Variants in CRTC1 observed in about 807,000 individuals in gnomAD.
The protein encoded by CRTC1 is CREB regulated transcription coactivator 1, also known as CREB-regulated transcription coactivator 1.
In CRTC1, 18 loss-of-function variants were observed where a neutral mutation model predicts 66.1. The observed-to-expected ratio is 0.27, with a 90% CI of 0.19 to 0.40. The LOEUF (loss-of-function observed/expected upper bound fraction) is 0.40. CRTC1 is among the 10% of genes least tolerant of loss of function. The pLI is 1.00. For synonymous variants in CRTC1, 416 were observed against 398.8 expected, an observed-to-expected ratio of 1.04 and a Z score of -0.51; for missense variants, 669 against 887.9, an observed-to-expected ratio of 0.75 and a Z score of 3.13.
intron 1 of CRTC1, among the ~76,000 whole-genome samples, chr19:18,694,893 C>CT (rs371198258): frequency 8.2e-4 from 119 of 144,386 alleles, no homozygotes; most frequent in Admixed American, 1.5e-3. Flanking sequence ...TCAGCGACCT[C>CT]TTTTTTTTTT....
rs141912638 is a variant in CRTC1 at position 18,759,422 on chromosome 19, A to T, written c.625-129A>T. On this transcript the variant is annotated intron_variant, in intron 6 of 13. Coordinates refer to ENST00000321949, the MANE Select transcript of CRTC1 (RefSeq NM_015321.3). Reference sequence around the variant, plus strand: ...ATCTGTGGGGCTCTGCGGCCCCAGCAAGCTTGGTTCTCATGATGCATCTCT... The same window carrying T: ...ATCTGTGGGGCTCTGCGGCCCCAGCTAGCTTGGTTCTCATGATGCATCTCT... 690 of 958,562 alleles carry T rather than the reference A, an allele frequency of 7.2e-4. 1 individual carries two copies. In the African/African-American group the frequency reaches 0.01, roughly 14 times the overall value. The allele number at this position is 958,562 out of a possible 1,614,324, so 59.4% of individuals were successfully genotyped here.
At chr19:18,698,086 A>G (rs559729230) in intron 1 of CRTC1, among the ~76,000 whole-genome samples, 9 of 151,976 alleles carry the variant, frequency 5.9e-5, no homozygotes, top group Middle Eastern at 3.4e-3. Flanking sequence ...GGTGCTCGGC[A>G]GGCACACGGT....
intron 1 of CRTC1, among the ~76,000 whole-genome samples, chr19:18,719,593 G>A (rs76028214): frequency 6.6e-6 from 1 of 152,254 alleles, no homozygotes; most frequent in African/African-American, 2.4e-5. Context: ...AGCCGTCCTG[G>A]GGGGAGGCAG....
chr19:18,707,891 G>A (rs1027161044), intron 1 of CRTC1, among the ~76,000 whole-genome samples: 2 of 152,224 alleles, frequency 1.3e-5, no homozygotes, highest in Non-Finnish European at 2.9e-5. Context: ...GTGACCCTGG[G>A]CAAGCCCATA....
At chr19:18,730,619 C>T (rs767319121) in intron 1 of CRTC1, among the ~76,000 whole-genome samples, 24 of 152,138 alleles carry the variant, frequency 1.6e-4, no homozygotes, top group Non-Finnish European at 2.4e-4. Flanking sequence ...TCCCTGTGTC[C>T]AGCCTCCACT....
chr19:18,714,644 C>T (rs62137137), intron 1 of CRTC1, among the ~76,000 whole-genome samples: 23 of 152,354 alleles, frequency 1.5e-4, no homozygotes, highest in African/African-American at 4.6e-4. Context: ...GGCAGCTTCC[C>T]GTCCACTGGT....
chr19:18,726,561 C>T (rs917183503), intron 1 of CRTC1, among the ~76,000 whole-genome samples: 2 of 152,206 alleles, frequency 1.3e-5, no homozygotes, highest in Admixed American at 6.5e-5. Context: ...AGGGATTTTA[C>T]AGATGGACTT....
At position 18,708,959 on chromosome 19, in the gene CRTC1, C is replaced by T. The variant is rs772023735; in HGVS notation, c.126+25131C>T. ...TGCCGCTCCCTGCTGTCCTGTCCTC[C>T]GTGGGGTGCTGTCTCTAGGCCCGGG... On this transcript the variant is annotated intron_variant, in intron 1 of 13. Coordinates refer to ENST00000321949, the MANE Select transcript of CRTC1 (RefSeq NM_015321.3). 7.9e-5 allele frequency among the ~76,000 whole-genome samples: 12 copies of T among 152,318 alleles called. No homozygotes were observed. The East Asian group carries it at 2.1e-3, about 27-fold the overall frequency.
chr19:18,695,018 G>A (rs945135138), intron 1 of CRTC1, among the ~76,000 whole-genome samples: 1 of 151,114 alleles, frequency 6.6e-6, no homozygotes, highest in Non-Finnish European at 1.5e-5. Flanking sequence ...CTATAGGCAC[G>A]CGCCACCATG....
chr19:18,781,485 A>C lies in CRTC1; in HGVS notation c.*4103A>C, dbSNP rs2055102414. On this transcript the variant is annotated 3_prime_UTR_variant, in exon 14 of 14. Coordinates refer to ENST00000321949, the MANE Select transcript of CRTC1 (RefSeq NM_015321.3). ...TGGCCTTCCAGGGTCCTGGCCAGGCAGGGGTCAGGCACCCCATACTCTTCC... is the reference window on the plus strand; with the variant it reads ...TGGCCTTCCAGGGTCCTGGCCAGGCCGGGGTCAGGCACCCCATACTCTTCC... The C allele has an allele frequency of 4.4e-6, 1 of 229,374 alleles. No homozygotes were observed. The highest frequency in any genetic ancestry group is 5.7e-5 in the Admixed American group (1 of 17,664). The allele number at this position is 229,374 out of a possible 1,614,324, so 14.2% of individuals were successfully genotyped here. A position where few individuals can be genotyped will look rare whatever the true frequency, so the allele number is the denominator to read the frequency against.
chr19:18,727,216 C>T (rs971125708), intron 1 of CRTC1, among the ~76,000 whole-genome samples: 10 of 151,914 alleles, frequency 6.6e-5, no homozygotes, highest in African/African-American at 2.2e-4. Flanking sequence ...TGCTGCTGCA[C>T]TCCAGCCTGG....
In CRTC1 at chr19:18,771,581, T is replaced by C. The variant is rs371124558; in HGVS notation, c.1425+35T>C. The C allele has an allele frequency of 1.3e-6, 2 of 1,517,506 alleles. No individual in the cohort carries two copies. The highest frequency in any genetic ancestry group is 1.8e-6 in the Non-Finnish European group (2 of 1,101,088). The allele number at this position is 1,517,506 out of a possible 1,614,324, so 94.0% of individuals were successfully genotyped here. A position where few individuals can be genotyped will look rare whatever the true frequency, so the allele number is the denominator to read the frequency against. On this transcript the variant is annotated intron_variant, in intron 11 of 13. Transcript: ENST00000321949. The surrounding 1 kb of genome is among the most constrained non-coding windows in gnomAD (Gnocchi z 4.6). ...GCCGCCTCCCCCTTGGCCTGTGGGC[T>C]CCACGCTTGTCTTGTTCATGCCCCG...
At chr19:18,749,751 G>A (rs1291052997) in intron 4 of CRTC1, 30 bp from the exon 5 acceptor site, 14 of 1,579,462 alleles carry the variant, frequency 8.9e-6, no homozygotes, top group Non-Finnish European at 1.1e-5. Context: ...TTGGGCTGAG[G>A]CTCATTGTCT....
At chr19:18,724,664 C>G (rs979201833) in intron 1 of CRTC1, among the ~76,000 whole-genome samples, 9 of 150,462 alleles carry the variant, frequency 6.0e-5, no homozygotes, top group African/African-American at 2.2e-4. Context: ...TCCCGGCCGT[C>G]CCCCTCTGCA....
chr19:18,781,042 G>A lies in CRTC1; in HGVS notation c.*3660G>A, dbSNP rs959009348. The A allele has an allele frequency of 7.9e-5, 18 of 227,446 alleles. No homozygotes were observed. The highest frequency in any genetic ancestry group is 5.0e-4 in the East Asian group (8 of 15,898). The allele number at this position is 227,446 out of a possible 1,614,324, so 14.1% of individuals were successfully genotyped here. ...GTATTCGGGGGTCCTCTGTCACCTCGCCCTGAAAACAGCAGCTCCCATCAC... is the reference window on the plus strand; with the variant it reads ...GTATTCGGGGGTCCTCTGTCACCTCACCCTGAAAACAGCAGCTCCCATCAC... On this transcript the variant is annotated 3_prime_UTR_variant, in exon 14 of 14. Coordinates refer to ENST00000321949, the MANE Select transcript of CRTC1 (RefSeq NM_015321.3).
intron 8 of CRTC1, among the ~76,000 whole-genome samples, 193 bp from the exon 9 acceptor site, chr19:18,765,211 C>T (rs1396427408): frequency 1.3e-5 from 2 of 152,218 alleles, no homozygotes; most frequent in East Asian, 3.9e-4. Context: ...ACAGACTCTG[C>T]AGGACTGTGG....
chr19:18,730,214 G>A lies in CRTC1; in HGVS notation c.127-12696G>A, dbSNP rs536389048. ...TCCTGAGGGCCTCAGCAGCCCTTAC[G>A]AGGTAAGGGCTTTTTGCCGTGTGTA... On this transcript the variant is annotated intron_variant, in intron 1 of 13. Transcript: ENST00000321949. Among the ~76,000 whole-genome samples the A allele has an allele frequency of 3.4e-4, 52 of 152,212 alleles. 1 individual carries two copies. In the South Asian group the frequency reaches 9.3e-3, roughly 27 times the overall value.
chr19:18,702,453 T>C (rs1015294464), intron 1 of CRTC1, among the ~76,000 whole-genome samples: 3 of 151,980 alleles, frequency 2.0e-5, no homozygotes, highest in Admixed American at 2.0e-4. Context: ...CTCAAACTCC[T>C]GGGCTCAAGT....
At chr19:18,701,796 T>G (rs2053147074) in intron 1 of CRTC1, among the ~76,000 whole-genome samples, 1 of 151,676 alleles carries the variant, frequency 6.6e-6, no homozygotes, top group Admixed American at 6.6e-5. Context: ...TTTTGTATTT[T>G]TAGTAGAGAC....
Sources: allele counts gnomAD v4.1 joint callset (sites outside exome capture counted in the v4.1 genomes callset), GRCh38; gene constraint gnomAD v4.1.1; non-coding constraint Gnocchi (gnomAD v3.1); transcripts MANE v1.5; gene names NCBI Gene and HGNC (gene_info 2026-07-23, HGNC 2026-07-21).